FAR2: variants seen among roughly 807,000 people sequenced by gnomAD.
FAR2 encodes fatty acyl-CoA reductase 2.
In FAR2, 19 loss-of-function variants were observed where a neutral mutation model predicts 56.0. That is an observed-to-expected ratio of 0.34 (90% confidence interval 0.24 to 0.50). FAR2 has a LOEUF of 0.50. Ranked by LOEUF, FAR2 falls within the 20% of genes least tolerant of loss-of-function variation. The pLI, the probability that FAR2 is intolerant of heterozygous loss-of-function variation, is 0.98. For missense variants in FAR2, 508 were observed against 642.2 expected, an observed-to-expected ratio of 0.79 and a Z score of 2.26; for synonymous variants, 219 against 218.8, an observed-to-expected ratio of 1.00 and a Z score of -0.01.
chr12:29,334,379 T>C lies in FAR2; in HGVS notation c.*585T>C, dbSNP rs1213377951. 1 of 152,204 alleles carries C rather than the reference T, an allele frequency of 6.6e-6. No individual in the cohort carries two copies. The highest frequency in any genetic ancestry group is 1.5e-5 in the Non-Finnish European group (1 of 68,050). The allele number at this position is 152,204 out of a possible 1,614,324, so 9.4% of individuals were successfully genotyped here. The stretch of plus-strand genomic sequence containing the variant: ...AGTAGGTTTACATTTAACATTTTTC[T>C]TAACTACATTCACTTCTTAAAAAGG... On this transcript the variant is annotated 3_prime_UTR_variant, in exon 12 of 12. Coordinates refer to ENST00000536681, the MANE Select transcript of FAR2 (RefSeq NM_001271783.2).
chr12:29,281,431 G>A (rs1948781614), intron 2 of FAR2: 2 of 152,052 alleles, frequency 1.3e-5, no homozygotes, highest in African/African-American at 2.4e-5. Context: ...ATTATTTGTG[G>A]TGGCTCCATC....
At chr12:29,202,354 C>T (rs1947426978) in intron 1 of FAR2, among the ~76,000 whole-genome samples, 1 of 152,134 alleles carries the variant, frequency 6.6e-6, no homozygotes, top group South Asian at 2.1e-4. Flanking sequence ...AAGATAATGG[C>T]AGAAACTTCT....
intron 1 of FAR2, among the ~76,000 whole-genome samples, chr12:29,201,684 G>A (rs949056949): frequency 1.3e-5 from 2 of 151,980 alleles, no homozygotes; most frequent in African/African-American, 2.4e-5. Flanking sequence ...GCTATACCTG[G>A]GTCAAACCTG....
chr12:29,333,547 A>ATCC, intron 11 of FAR2, 85 bp from the exon 12 acceptor site: 1 of 1,284,818 alleles, frequency 7.8e-7, no homozygotes, highest in African/African-American at 1.5e-5. Flanking sequence ...TGCCAGTCAT[A>ATCC]TCCAGGAAAA....
chr12:29,186,185 T>C (rs988719044), intron 1 of FAR2, among the ~76,000 whole-genome samples: 1 of 152,216 alleles, frequency 6.6e-6, no homozygotes, highest in Non-Finnish European at 1.5e-5. Flanking sequence ...TGTGCTAAGT[T>C]TTCAAAATCT....
In FAR2 at chr12:29,334,166, C is replaced by G. The variant is rs1457205467; in HGVS notation, c.*372C>G. On this transcript the variant is annotated 3_prime_UTR_variant, in exon 12 of 12. Coordinates refer to ENST00000536681, the MANE Select transcript of FAR2 (RefSeq NM_001271783.2). ...TGCATGGCAGAAGCTGAAATGAGCT[C>G]AAGCAGTACTAACCTTGGAACCATT... 1 of 163,848 alleles carries G rather than the reference C, an allele frequency of 6.1e-6. No homozygotes were observed. Among genetic ancestry groups the G allele is most frequent in the African/African-American group, 2.4e-5 (1 of 41,606 alleles). The allele number at this position is 163,848 out of a possible 1,614,324, so 10.1% of individuals were successfully genotyped here.
chr12:29,247,383 G>C (rs996023817), intron 1 of FAR2, among the ~76,000 whole-genome samples: 2 of 152,066 alleles, frequency 1.3e-5, no homozygotes, highest in Admixed American at 1.3e-4. Context: ...ATCTGCAAAA[G>C]AACAATGTGT....
At chr12:29,259,097 G>C (rs1319089981) in intron 1 of FAR2, among the ~76,000 whole-genome samples, 2 of 152,340 alleles carry the variant, frequency 1.3e-5, no homozygotes, top group Admixed American at 6.5e-5. Flanking sequence ...ACTTGTTAAA[G>C]AATGTGCTGG....
At chr12:29,222,039 G>A (rs867324207) in intron 1 of FAR2, among the ~76,000 whole-genome samples, 23 of 152,098 alleles carry the variant, frequency 1.5e-4, no homozygotes, top group South Asian at 4.2e-4. Context: ...TAGTAGAGAC[G>A]GGTTTCACCA....
chr12:29,314,861 T>G (rs1338453046), intron 8 of FAR2, among the ~76,000 whole-genome samples: 1 of 152,176 alleles, frequency 6.6e-6, no homozygotes, highest in Non-Finnish European at 1.5e-5. Flanking sequence ...GTATTTGTAA[T>G]GACTAAAAGA....
intron 1 of FAR2, among the ~76,000 whole-genome samples, chr12:29,211,160 T>G (rs1947542141): frequency 6.6e-6 from 1 of 151,992 alleles, no homozygotes; most frequent in South Asian, 2.1e-4. Flanking sequence ...GTGCGGTGGC[T>G]CACACCTATA....
intron 1 of FAR2, among the ~76,000 whole-genome samples, chr12:29,251,719 T>G (rs1948214450): frequency 6.6e-6 from 1 of 151,992 alleles, no homozygotes; most frequent in African/African-American, 2.4e-5. Context: ...TCTAGAAAAA[T>G]AGTAAACCAA....
intron 1 of FAR2, among the ~76,000 whole-genome samples, chr12:29,240,770 G>A (rs542866630): frequency 6.6e-6 from 1 of 151,734 alleles, no homozygotes; most frequent in East Asian, 1.9e-4. Flanking sequence ...TAAAGCACTA[G>A]GAATGTCATT....
chr12:29,285,777 G>A (rs1033245210), intron 2 of FAR2, among the ~76,000 whole-genome samples: 8 of 151,878 alleles, frequency 5.3e-5, no homozygotes, highest in African/African-American at 1.9e-4. Flanking sequence ...AAATTAGCTG[G>A]GTGTAGTGGC....
At chr12:29,229,575 C>A (rs1947822044) in intron 1 of FAR2, among the ~76,000 whole-genome samples, 1 of 152,108 alleles carries the variant, frequency 6.6e-6, no homozygotes, top group African/African-American at 2.4e-5. Context: ...TAATTCACTC[C>A]ATTTTTTCAT....
chr12:29,207,721 A>G (rs1006304919), intron 1 of FAR2, among the ~76,000 whole-genome samples: 3 of 152,172 alleles, frequency 2.0e-5, no homozygotes, highest in African/African-American at 7.2e-5. Context: ...ATACATAGGG[A>G]TAGATTATTT....
chr12:29,273,501 C>A (rs1948653759), intron 2 of FAR2, among the ~76,000 whole-genome samples: 1 of 152,208 alleles, frequency 6.6e-6, no homozygotes, highest in African/African-American at 2.4e-5. Context: ...GCCATCCAGC[C>A]TTCCTGGCAC....
intron 1 of FAR2, among the ~76,000 whole-genome samples, chr12:29,218,066 G>C (rs888558225): frequency 6.6e-6 from 1 of 151,964 alleles, no homozygotes; most frequent in Non-Finnish European, 1.5e-5. Flanking sequence ...AATTAAGATG[G>C]GCTTGATTGG....
chr12:29,297,107 T>A lies in FAR2; in HGVS notation c.452T>A (p.Ile151Asn). Residue 151 changes from isoleucine (I) to asparagine (N), a missense_variant, in exon 4 of 12, where the codon ATC becomes AAC. Coordinates refer to ENST00000536681, the MANE Select transcript of FAR2 (RefSeq NM_001271783.2). ...QMPKLEAFIH[I>N]STAYSNCNLK... Reference sequence around the variant, plus strand: ...CCAAAGCTGGAAGCCTTTATACATATCTCTACTGCCTATTCAAATTGTAAC... The same window carrying A: ...CCAAAGCTGGAAGCCTTTATACATAACTCTACTGCCTATTCAAATTGTAAC... 1 of 1,614,032 alleles carries A rather than the reference T, an allele frequency of 6.2e-7. No homozygotes were observed. The highest frequency in any genetic ancestry group is 1.1e-5 in the South Asian group (1 of 91,064).
Sources: allele counts gnomAD v4.1 joint callset (sites outside exome capture counted in the v4.1 genomes callset), GRCh38; gene constraint gnomAD v4.1.1; transcripts MANE v1.5; gene names NCBI Gene and HGNC (gene_info 2026-07-23, HGNC 2026-07-21).